Variants in NAV2 observed in about 807,000 individuals in gnomAD.
NAV2 encodes neuron navigator 2.
NAV2 carries 54 observed loss-of-function variants against 223.2 expected under a neutral mutation model. The ratio of observed to expected loss-of-function variants is 0.24; its 90% CI spans 0.19 to 0.30. The LOEUF (loss-of-function observed/expected upper bound fraction) is 0.30. Ranked by LOEUF, NAV2 falls within the 10% of genes least tolerant of loss-of-function variation. NAV2 has a pLI of 1.00. For missense variants in NAV2, 2,806 were observed against 3,147.5 expected, an observed-to-expected ratio of 0.89 and a Z score of 2.60; for synonymous variants, 1,279 against 1,239.3, an observed-to-expected ratio of 1.03 and a Z score of -0.67.
intron 1 of NAV2, among the ~76,000 whole-genome samples, chr11:19,760,437 G>A (rs1223768822): frequency 6.6e-6 from 1 of 152,200 alleles, no homozygotes; most frequent in African/African-American, 2.4e-5. Flanking sequence ...CTGGCTTCAG[G>A]GGAGAATGCA....
At chr11:20,012,531 C>T (rs1452023506) in intron 11 of NAV2, among the ~76,000 whole-genome samples, 14 of 151,934 alleles carry the variant, frequency 9.2e-5, no homozygotes, top group Admixed American at 6.6e-4. Context: ...AAAAATTAGC[C>T]GGGCACAGTG....
intron 10 of NAV2, among the ~76,000 whole-genome samples, chr11:19,970,008 A>C (rs1364231628): frequency 6.6e-6 from 1 of 152,162 alleles, no homozygotes; most frequent in Non-Finnish European, 1.5e-5. Context: ...AAATATAACT[A>C]TTGTTACAAT....
intron 11 of NAV2, among the ~76,000 whole-genome samples, chr11:20,021,417 A>C (rs1331497848): frequency 6.6e-6 from 1 of 152,208 alleles, no homozygotes; most frequent in East Asian, 1.9e-4. Flanking sequence ...GCGAGGAAAC[A>C]ATGGAAACTT....
intron 37 of NAV2, among the ~76,000 whole-genome samples, chr11:20,116,543 A>G (rs1417663381): frequency 6.6e-6 from 1 of 152,258 alleles, no homozygotes; most frequent in African/African-American, 2.4e-5. Context: ...GTCTTAACTT[A>G]CATAGAAAAT....
chr11:19,398,120 T>C lies in NAV2; in HGVS notation c.75+47093T>C, dbSNP rs1201541036. Among the ~76,000 whole-genome samples the C allele has an allele frequency of 2.0e-5, 3 of 152,050 alleles. No homozygotes were observed. The East Asian group carries it at 5.8e-4, about 29-fold the overall frequency. On this transcript the variant is annotated intron_variant, in intron 1 of 37. Transcript: ENST00000360655. ...TTATAAGAAAAGAGGTTTAATTGAC[T>C]CAATACTGCAGGCTGTGTAGAAAGC...
At chr11:19,764,202 G>T (rs532535696) in intron 1 of NAV2, among the ~76,000 whole-genome samples, 2 of 152,262 alleles carry the variant, frequency 1.3e-5, no homozygotes, top group South Asian at 4.1e-4. Flanking sequence ...GCCACTCTCA[G>T]CCACTCTCAG....
At chr11:19,358,814 TA>T (rs1334335747) in intron 1 of NAV2, among the ~76,000 whole-genome samples, 1 of 152,194 alleles carries the variant, frequency 6.6e-6, no homozygotes, top group Non-Finnish European at 1.5e-5. Flanking sequence ...TTTCCACTGT[TA>T]TAATTTAAAA....
intron 1 of NAV2, among the ~76,000 whole-genome samples, chr11:19,565,133 G>GC (rs1383265379): frequency 6.6e-6 from 1 of 152,002 alleles, no homozygotes; most frequent in East Asian, 1.9e-4. Flanking sequence ...GACCCTGCCT[G>GC]CCCCCTCTCC....
At chr11:19,714,116 C>G (rs1025074509) in intron 1 of NAV2, 154 bp downstream of exon 1, 34 of 1,166,140 alleles carry the variant, frequency 2.9e-5, no homozygotes, top group Non-Finnish European at 3.9e-5. Flanking sequence ...GGGGGATGCG[C>G]GAGGAGAGTG....
intron 1 of NAV2, among the ~76,000 whole-genome samples, chr11:19,796,025 T>A (rs1257077532): frequency 6.6e-6 from 1 of 152,196 alleles, no homozygotes; most frequent in Non-Finnish European, 1.5e-5. Flanking sequence ...AGAGTAGGGC[T>A]AAGCACTAAA....
intron 12 of NAV2, among the ~76,000 whole-genome samples, chr11:20,041,555 A>ATGT: frequency 6.6e-6 from 1 of 152,348 alleles, no homozygotes; most frequent in South Asian, 2.1e-4. Flanking sequence ...GCAGTAACCC[A>ATGT]GGATGTGGCA....
intron 1 of NAV2, among the ~76,000 whole-genome samples, chr11:19,776,123 G>A (rs1050142636): frequency 6.6e-6 from 1 of 152,164 alleles, no homozygotes; most frequent in Non-Finnish European, 1.5e-5. Flanking sequence ...CTCTGCCAGT[G>A]GGGGAGAGCC....
intron 1 of NAV2, among the ~76,000 whole-genome samples, chr11:19,692,547 C>A (rs1320678940): frequency 1.3e-5 from 2 of 152,200 alleles, no homozygotes; most frequent in African/African-American, 4.8e-5. Flanking sequence ...TTGTTTGAGT[C>A]CTTGTTGTTG....
intron 6 of NAV2, among the ~76,000 whole-genome samples, chr11:19,895,104 C>CTTTTTTTTTTTTTTTTTTTTTT (rs71050690): frequency 6.7e-4 from 66 of 99,240 alleles, no homozygotes; most frequent in East Asian, 1.3e-3. Context: ...CTTTTTCTTT[C>CTTTTTTTTTTTTTTTTTTTTTT]TTTTTTTTTT....
At chr11:19,609,085 A>T (rs2046559892) in intron 1 of NAV2, among the ~76,000 whole-genome samples, 2 of 152,190 alleles carry the variant, frequency 1.3e-5, no homozygotes, top group South Asian at 4.1e-4. Context: ...TAATTTAATC[A>T]CATCTGCAAA....
intron 6 of NAV2, among the ~76,000 whole-genome samples, chr11:19,901,983 GTT>G (rs2042481196): frequency 6.6e-6 from 1 of 152,192 alleles, no homozygotes; most frequent in Non-Finnish European, 1.5e-5. Context: ...TGAGGGAGAA[GTT>G]GGCTCACCTT....
chr11:20,045,807 C>A, intron 14 of NAV2, 137 bp downstream of exon 14: 1 of 743,986 alleles, frequency 1.3e-6, no homozygotes, highest in Non-Finnish European at 2.1e-6. Flanking sequence ...TCAGATCAGG[C>A]CGGCAGTTTT....
At chr11:19,702,865 A>G (rs567680663) in intron 1 of NAV2, among the ~76,000 whole-genome samples, 107 of 149,682 alleles carry the variant, frequency 7.1e-4, no homozygotes, top group African/African-American at 2.5e-3. Context: ...AAATGAGAAT[A>G]TTTATTTGAA....
At position 20,092,376 on chromosome 11, in the gene NAV2, G is replaced by A; in HGVS notation, c.5815+8G>A. ...CTGAGTCAACCAGCCTGGGTGAGTG[G>A]CCTACAGGGTTTGGGGGCAGGAATG... On this transcript the variant is annotated splice_region_variant and intron_variant, in intron 28 of 37. Coordinates refer to ENST00000349880, the MANE Select transcript of NAV2 (RefSeq NM_145117.5). The A allele has an allele frequency of 6.2e-7, 1 of 1,606,296 alleles. No homozygotes were observed. The highest frequency in any genetic ancestry group is 8.5e-7 in the Non-Finnish European group (1 of 1,173,910).
Sources: gnomAD v4.1 joint callset for allele counts (sites outside exome capture counted in the v4.1 genomes callset) on GRCh38, gnomAD v4.1.1 for gene constraint, MANE v1.5 for transcripts, NCBI Gene and HGNC (gene_info 2026-07-23, HGNC 2026-07-21) for gene names.